The following SPOCK3 variants were observed in gnomAD, a reference collection of about 807,000 sequenced individuals.
The protein encoded by SPOCK3 is testican-3.
SPOCK3 carries 30 observed loss-of-function variants against 56.6 expected under a neutral mutation model. That is an observed-to-expected ratio of 0.53 (90% CI 0.40 to 0.72). SPOCK3 has a LOEUF of 0.72. Among genes scored for constraint, SPOCK3 ranks in the 30% least tolerant of loss-of-function variants. The pLI, the probability that SPOCK3 is intolerant of heterozygous loss-of-function variation, is 0.00. For missense variants in SPOCK3, 527 were observed against 530.0 expected, an observed-to-expected ratio of 0.99 and a Z score of 0.06; for synonymous variants, 196 against 183.3, an observed-to-expected ratio of 1.07 and a Z score of -0.56.
chr4:167,203,654 C>T (rs1733739928), intron 2 of SPOCK3, among the ~76,000 whole-genome samples: 1 of 151,656 alleles, frequency 6.6e-6, no homozygotes, highest in African/African-American at 2.4e-5. Context: ...CTTGAAGCTA[C>T]AACAGCCAAT....
chr4:167,205,271 A>ATATATAT (rs1228977983), intron 2 of SPOCK3, among the ~76,000 whole-genome samples: 711 of 53,948 alleles, frequency 0.013, 13 homozygotes, highest in Non-Finnish European at 0.018. Context: ...TATATCTATA[A>ATATATAT]TATATATTAT....
At chr4:166,888,810 T>C (rs1734464593) in intron 6 of SPOCK3, among the ~76,000 whole-genome samples, 1 of 150,320 alleles carries the variant, frequency 6.7e-6, no homozygotes, top group South Asian at 2.1e-4. Context: ...TTTTCTGCTC[T>C]AAAAGAAAAA....
At position 167,178,749 on chromosome 4, in the gene SPOCK3, G is replaced by A. The variant is rs114116697; in HGVS notation, c.189+55236C>T. On this transcript the variant is annotated intron_variant, in intron 2 of 10. Transcript: ENST00000357545. ...ATTCATTGTGTAATTTAGGGAATTC[G>A]TACAATTTAAGAAAGGGGATAAAAA... is the stretch of plus-strand genomic sequence containing the variant. 9.6e-3 allele frequency among the ~76,000 whole-genome samples: 1,451 copies of A among 151,888 alleles called. 16 individuals carry two copies. Among genetic ancestry groups the A allele is most frequent in the Non-Finnish European group, 0.013 (907 of 67,928 alleles).
intron 2 of SPOCK3, among the ~76,000 whole-genome samples, chr4:167,174,816 C>T (rs1051796232): frequency 1.3e-5 from 2 of 152,134 alleles, no homozygotes; most frequent in Admixed American, 6.6e-5. Context: ...TGCGCGTGCA[C>T]ACGCACACAA....
At position 167,223,873 on chromosome 4, in the gene SPOCK3, T is replaced by A. The variant is rs1286790961; in HGVS notation, c.189+10112A>T. 2.0e-5 allele frequency among the ~76,000 whole-genome samples: 3 copies of A among 152,110 alleles called. No homozygotes were observed. In the East Asian group the frequency reaches 5.8e-4, roughly 29 times the overall value. ...TTGTTATTATTATATTATTATCAAT[T>A]TCTAGACAAGGAAGAGTCTGTCGTA... On this transcript the variant is annotated intron_variant, in intron 2 of 10. Coordinates refer to ENST00000357545, the MANE Select transcript of SPOCK3 (RefSeq NM_001040159.2).
chr4:166,985,975 G>A (rs1747112352), intron 4 of SPOCK3, among the ~76,000 whole-genome samples: 2 of 151,936 alleles, frequency 1.3e-5, no homozygotes, highest in Admixed American at 6.6e-5. Context: ...CCTTTTTAGT[G>A]TGTCAAAATA....
At chr4:166,847,464 T>C (rs190109628) in intron 6 of SPOCK3, among the ~76,000 whole-genome samples, 47 of 151,696 alleles carry the variant, frequency 3.1e-4, no homozygotes, top group Middle Eastern at 3.4e-3. Flanking sequence ...GGAAAAAGCA[T>C]TGATGCTCTG....
intron 2 of SPOCK3, among the ~76,000 whole-genome samples, chr4:167,154,347 A>G (rs1764646545): frequency 6.6e-6 from 1 of 152,026 alleles, no homozygotes; most frequent in Non-Finnish European, 1.5e-5. Flanking sequence ...CTGTTTTGGG[A>G]CCAGGATTAC....
At chr4:166,756,122 T>C (rs1737040501) in intron 7 of SPOCK3, among the ~76,000 whole-genome samples, 1 of 34,384 alleles carries the variant, frequency 2.9e-5, no homozygotes, top group Admixed American at 2.9e-4. Context: ...AAGAAAGGGG[T>C]GACGGTCGCA....
At chr4:167,113,578 T>C (rs1460722165) in intron 2 of SPOCK3, among the ~76,000 whole-genome samples, 1 of 151,914 alleles carries the variant, frequency 6.6e-6, no homozygotes, top group South Asian at 2.1e-4. Flanking sequence ...GATTAACTGA[T>C]AAAAACTTTA....
chr4:167,057,091 G>A (rs1754975323), intron 3 of SPOCK3, among the ~76,000 whole-genome samples: 1 of 152,182 alleles, frequency 6.6e-6, no homozygotes, highest in South Asian at 2.1e-4. Flanking sequence ...GGATCTCTCG[G>A]CAGAAACTCT....
intron 2 of SPOCK3, among the ~76,000 whole-genome samples, chr4:167,167,165 A>G (rs553278815): frequency 6.6e-6 from 1 of 152,282 alleles, no homozygotes; most frequent in Admixed American, 6.6e-5. Flanking sequence ...AGAATGATGC[A>G]TTTTGATTAC....
intron 2 of SPOCK3, among the ~76,000 whole-genome samples, chr4:167,145,983 G>A (rs1199648752): frequency 6.6e-6 from 1 of 152,040 alleles, no homozygotes; most frequent in African/African-American, 2.4e-5. Flanking sequence ...ATGTAAACAG[G>A]CTAAATTCTC....
At chr4:166,881,532 A>G (rs1031248127) in intron 6 of SPOCK3, among the ~76,000 whole-genome samples, 2 of 152,076 alleles carry the variant, frequency 1.3e-5, no homozygotes, top group African/African-American at 4.8e-5. Flanking sequence ...TTCGCTCCAC[A>G]AAACATAGAT....
intron 3 of SPOCK3, among the ~76,000 whole-genome samples, chr4:167,036,199 CTGTT>C (rs35786531): frequency 0.36 from 54,533 of 151,626 alleles, 12,103 homozygotes; most frequent in African/African-American, 0.63. Context: ...ATTTTGAGCT[CTGTT>C]TGGTATGCTT....
chr4:166,883,308 G>C (rs1162252213), intron 6 of SPOCK3: 1 of 152,106 alleles, frequency 6.6e-6, no homozygotes, highest in Non-Finnish European at 1.5e-5. Flanking sequence ...TCAGATTATA[G>C]AATAACTCAG....
intron 3 of SPOCK3, among the ~76,000 whole-genome samples, chr4:167,019,115 A>G (rs548189213): frequency 6.1e-4 from 93 of 152,192 alleles, no homozygotes; most frequent in African/African-American, 2.1e-3. Flanking sequence ...CCCTCTGATC[A>G]GTCTTCAATT....
At chr4:167,095,858 T>C (rs920376465) in intron 2 of SPOCK3, among the ~76,000 whole-genome samples, 9 of 151,902 alleles carry the variant, frequency 5.9e-5, no homozygotes, top group Non-Finnish European at 1.2e-4. Flanking sequence ...ACTGTTTTAT[T>C]AGTAAATGCA....
At position 167,191,974 on chromosome 4, in the gene SPOCK3, G is replaced by T. The variant is rs555652615; in HGVS notation, c.189+42011C>A. 2.8e-3 allele frequency among the ~76,000 whole-genome samples: 407 copies of T among 144,690 alleles called. 28 individuals carry two copies. The highest frequency in any genetic ancestry group is 5.0e-3 in the Non-Finnish European group (329 of 66,384). The allele number at this position is 144,690 out of a possible 152,430, so 94.9% of individuals were successfully genotyped here. On this transcript the variant is annotated intron_variant, in intron 2 of 10. Transcript: ENST00000357545. ...TTCCTTCTTTACCTAATTTTTTTGC[G>T]AGTTTTTATCATAAAAGTATATTGA...
Sources: gnomAD v4.1 joint callset for allele counts (sites outside exome capture counted in the v4.1 genomes callset) on GRCh38, gnomAD v4.1.1 for gene constraint, MANE v1.5 for transcripts, NCBI Gene and HGNC (gene_info 2026-07-23, HGNC 2026-07-21) for gene names.